CNTNAP2: variants seen among roughly 807,000 people sequenced by gnomAD.
CNTNAP2 encodes contactin associated protein 2, also known as contactin-associated protein-like 2.
CNTNAP2 carries 98 observed loss-of-function variants against 155.2 expected under a neutral mutation model. That is an observed-to-expected ratio of 0.63 (90% CI 0.54 to 0.75). The LOEUF (loss-of-function observed/expected upper bound fraction) is 0.75. CNTNAP2 is among the 30% of genes least tolerant of loss of function. The pLI is 0.00. For synonymous variants in CNTNAP2, 651 were observed against 631.2 expected (o/e 1.03, Z -0.47); for missense variants, 1,727 against 1,688.1 (o/e 1.02, Z -0.40).
chr7:147,130,297 A>T (rs539126429), intron 7 of CNTNAP2, among the ~76,000 whole-genome samples: 1 of 152,006 alleles, frequency 6.6e-6, no homozygotes. Context: ...AAATTGAATT[A>T]AAAAATTAGC....
chr7:148,329,800 A>G (rs906471880), intron 21 of CNTNAP2, among the ~76,000 whole-genome samples: 1 of 152,182 alleles, frequency 6.6e-6, no homozygotes, highest in African/African-American at 2.4e-5. Context: ...ATGCCTGACC[A>G]ACTCTGATTC....
intron 22 of CNTNAP2, among the ~76,000 whole-genome samples, chr7:148,385,369 G>A (rs1462984654): frequency 6.6e-6 from 1 of 152,238 alleles, no homozygotes; most frequent in Non-Finnish European, 1.5e-5. Context: ...TCCTAATGCT[G>A]AAAGAAGAAA....
At chr7:147,035,506 G>C (rs1020667967) in intron 3 of CNTNAP2, among the ~76,000 whole-genome samples, 11 of 152,186 alleles carry the variant, frequency 7.2e-5, no homozygotes, top group Admixed American at 3.9e-4. Context: ...TTAACATAAA[G>C]AATAGTCAAT....
chr7:147,548,896 G>C (rs1369786248), intron 11 of CNTNAP2, among the ~76,000 whole-genome samples: 1 of 152,156 alleles, frequency 6.6e-6, no homozygotes, highest in Non-Finnish European at 1.5e-5. Flanking sequence ...TGTCGCATTT[G>C]TCAAAGAGCA....
intron 15 of CNTNAP2, among the ~76,000 whole-genome samples, chr7:148,067,337 C>T (rs976195646): frequency 6.6e-6 from 1 of 152,188 alleles, no homozygotes; most frequent in Non-Finnish European, 1.5e-5. Context: ...ATGGGGCTCA[C>T]TGAGAGCTGG....
intron 1 of CNTNAP2, among the ~76,000 whole-genome samples, chr7:146,556,633 T>G (rs1202320233): frequency 6.6e-6 from 1 of 152,158 alleles, no homozygotes; most frequent in Non-Finnish European, 1.5e-5. Flanking sequence ...AAAACTCATA[T>G]AGAGAAGACA....
intron 13 of CNTNAP2, among the ~76,000 whole-genome samples, chr7:147,763,273 A>G (rs77868186): frequency 1.8e-5 from 1 of 56,452 alleles, no homozygotes; most frequent in African/African-American, 2.4e-4. Flanking sequence ...AAAAAAAAAG[A>G]AAAAAAAAAA....
At chr7:146,172,852 T>C (rs1197395251) in intron 1 of CNTNAP2, among the ~76,000 whole-genome samples, 1 of 152,174 alleles carries the variant, frequency 6.6e-6, no homozygotes, top group African/African-American at 2.4e-5. Flanking sequence ...GGGAAGATCA[T>C]GGTCTGATAG....
intron 14 of CNTNAP2, among the ~76,000 whole-genome samples, chr7:147,974,185 G>A (rs999830439): frequency 6.6e-5 from 10 of 150,392 alleles, no homozygotes; most frequent in Admixed American, 2.7e-4. Flanking sequence ...TTCCTATAAG[G>A]TTATACACAT....
chr7:146,494,824 T>C (rs1797190350), intron 1 of CNTNAP2, among the ~76,000 whole-genome samples: 2 of 152,352 alleles, frequency 1.3e-5, no homozygotes, highest in South Asian at 4.1e-4. Flanking sequence ...TTAATATTTG[T>C]TTTTATTTTC....
intron 21 of CNTNAP2, among the ~76,000 whole-genome samples, chr7:148,355,443 TATA>T (rs2116606249): frequency 6.6e-6 from 1 of 152,246 alleles, no homozygotes; most frequent in African/African-American, 2.4e-5. Flanking sequence ...CATTCTGTGT[TATA>T]ATAGTTTGCC....
chr7:146,474,658 A>G (rs1021413180), intron 1 of CNTNAP2, among the ~76,000 whole-genome samples: 9 of 152,190 alleles, frequency 5.9e-5, no homozygotes, highest in African/African-American at 2.2e-4. Context: ...CTTAGTTACA[A>G]TCATGAAAAT....
At chr7:146,404,380 G>T (rs1036789446) in intron 1 of CNTNAP2, among the ~76,000 whole-genome samples, 3 of 152,066 alleles carry the variant, frequency 2.0e-5, no homozygotes, top group Non-Finnish European at 4.4e-5. Context: ...GGAGAAATCT[G>T]TACACATCCT....
intron 1 of CNTNAP2, among the ~76,000 whole-genome samples, chr7:146,622,269 ATC>A (rs1563160550): frequency 8.2e-5 from 9 of 109,570 alleles, no homozygotes; most frequent in African/African-American, 3.5e-4. Context: ...CTATCTATCT[ATC>A]TATCTATCTA....
chr7:147,611,013 TA>T (rs1285572699), intron 12 of CNTNAP2, among the ~76,000 whole-genome samples: 2 of 152,082 alleles, frequency 1.3e-5, no homozygotes, highest in African/African-American at 4.8e-5. Context: ...GTGCTGGGAT[TA>T]CAAGCATGAG....
At chr7:146,946,340 T>C (rs1797173609) in intron 3 of CNTNAP2, among the ~76,000 whole-genome samples, 1 of 152,166 alleles carries the variant, frequency 6.6e-6, no homozygotes, top group South Asian at 2.1e-4. Context: ...GTTCATTGTT[T>C]TTATGTTATT....
chr7:147,541,791 G>T (rs550130100), intron 11 of CNTNAP2, among the ~76,000 whole-genome samples: 2 of 152,080 alleles, frequency 1.3e-5, no homozygotes, highest in Non-Finnish European at 2.9e-5. Flanking sequence ...TGATCTTTCC[G>T]TGTTCACTAA....
chr7:146,789,252 A>C (rs1054376911), intron 2 of CNTNAP2, among the ~76,000 whole-genome samples: 1 of 152,150 alleles, frequency 6.6e-6, no homozygotes, highest in Non-Finnish European at 1.5e-5. Context: ...GTCTTCCCTG[A>C]CTTTGTGAGA....
At chr7:147,072,893 C>T (rs1216235400) in intron 4 of CNTNAP2, among the ~76,000 whole-genome samples, 2 of 141,406 alleles carry the variant, frequency 1.4e-5, no homozygotes, top group African/African-American at 5.4e-5. Flanking sequence ...TGCTCTGTTG[C>T]CCAGGCTGGA....
Sources: gnomAD v4.1 joint callset for allele counts (sites outside exome capture counted in the v4.1 genomes callset) on GRCh38, gnomAD v4.1.1 for gene constraint, MANE v1.5 for transcripts, NCBI Gene and HGNC (gene_info 2026-07-23, HGNC 2026-07-21) for gene names.